OGFOD3: variants seen among roughly 807,000 people sequenced by gnomAD.
The protein encoded by OGFOD3 is 2-oxoglutarate and iron dependent oxygenase domain containing 3.
A neutral mutation model predicts 39.8 loss-of-function variants in OGFOD3; 35 were observed. That is an observed-to-expected ratio of 0.88 (90% CI 0.67 to 1.17). The LOEUF (loss-of-function observed/expected upper bound fraction) is 1.17. Among genes scored for constraint, OGFOD3 ranks in the 50% most tolerant of loss-of-function variants. The pLI, the probability that OGFOD3 is intolerant of heterozygous loss-of-function variation, is 0.00. For missense variants in OGFOD3, 438 were observed against 454.5 expected (o/e 0.96, Z 0.33); for synonymous variants, 200 against 192.0 (o/e 1.04, Z -0.34).
chr17:82,415,655 C>G lies in OGFOD3; in HGVS notation c.75-28G>C, dbSNP rs1463202447. 5 of 1,577,676 alleles carry G rather than the reference C, an allele frequency of 3.2e-6. No individual in the cohort carries two copies. Among genetic ancestry groups the G allele is most frequent in the South Asian group, 1.1e-5 (1 of 88,842 alleles). On this transcript the variant is annotated intron_variant, in intron 1 of 8. Transcript: ENST00000313056. The surrounding 1 kb of genome is among the most constrained non-coding windows in gnomAD (Gnocchi z 5.3). ...GAGAACAGAAAACAGGCCACGTCAC[C>G]CAAACACGGAGTGAGGCCAGAGAAA...
chr17:82,418,347 A>C lies in OGFOD3; in HGVS notation c.74+65T>G. The stretch of plus-strand genomic sequence containing the variant: ...GGCCAGGCCCCGCCCCATCAGCCCC[A>C]GTCCCGCCCACTCCATGGCCCTGTC... On this transcript the variant is annotated intron_variant, in intron 1 of 8. Coordinates refer to ENST00000313056, the MANE Select transcript of OGFOD3 (RefSeq NM_024648.3). 7.4e-6 allele frequency: 5 copies of C among 674,094 alleles called. No homozygotes were observed. The Admixed American group carries it at 1.9e-4, about 25-fold the overall frequency. 41.8% of individuals were successfully genotyped at this position (674,094 alleles called of 1,614,324 possible).
At chr17:82,398,852 C>T (rs1478457614) in intron 7 of OGFOD3, among the ~76,000 whole-genome samples, 2 of 151,230 alleles carry the variant, frequency 1.3e-5, no homozygotes, top group Non-Finnish European at 2.9e-5. Flanking sequence ...GGACCACAGG[C>T]GCACGACACT....
chr17:82,408,912 C>A (rs1012978824), intron 4 of OGFOD3, among the ~76,000 whole-genome samples: 8 of 152,226 alleles, frequency 5.3e-5, no homozygotes, highest in African/African-American at 1.9e-4. Flanking sequence ...GACAGCCCCA[C>A]AGGGCGTCCA....
intron 4 of OGFOD3, 57 bp downstream of exon 4, chr17:82,409,311 A>C: frequency 3.2e-6 from 5 of 1,570,328 alleles, no homozygotes; most frequent in Non-Finnish European, 4.4e-6. Context: ...CTTCCCATCC[A>C]AGTGAGAGCA....
intron 8 of OGFOD3, among the ~76,000 whole-genome samples, chr17:82,395,299 G>C (rs1431883260): frequency 6.6e-6 from 1 of 152,142 alleles, no homozygotes; most frequent in Non-Finnish European, 1.5e-5. Flanking sequence ...TGCAAGTGCT[G>C]GGATTACAGG....
At position 82,398,355 on chromosome 17, in the gene OGFOD3, C is replaced by T. The variant is rs377304273; in HGVS notation, c.700-36G>A. The T allele has an allele frequency of 2.5e-4, 407 of 1,612,954 alleles. 1 individual carries two copies. The highest frequency in any genetic ancestry group is 3.3e-4 in the Middle Eastern group (2 of 6,052). ...AGCCGGGAGGAGGGGGCAGAATGGGCTCTCAGCATGCGACCAGGGCAGGTG... is the reference window on the plus strand; with the variant it reads ...AGCCGGGAGGAGGGGGCAGAATGGGTTCTCAGCATGCGACCAGGGCAGGTG... On this transcript the variant is annotated intron_variant, in intron 7 of 8. Transcript: ENST00000313056.
chr17:82,418,198 C>G (rs1321368290), intron 1 of OGFOD3: 2 of 413,684 alleles, frequency 4.8e-6, no homozygotes, highest in Non-Finnish European at 8.7e-6. Context: ...ATAGGTGGGC[C>G]TCTGCCGTCG....
rs2053133102 is a variant in OGFOD3, at chr17:82,418,568, A to T, written c.-83T>A. On this transcript the variant is annotated 5_prime_UTR_variant, in exon 1 of 9. Transcript: ENST00000313056. ...CCGTAACAGGGAGCGCGAGGCAGGC[A>T]CGGCGCAGGGACGCGAGTGCGACGC... is the stretch of plus-strand genomic sequence containing the variant. 1.1e-5 allele frequency: 8 copies of T among 729,934 alleles called. No individual in the cohort carries two copies. The highest frequency in any genetic ancestry group is 1.5e-5 in the Non-Finnish European group (8 of 525,188). 45.2% of individuals were successfully genotyped at this position (729,934 alleles called of 1,614,324 possible).
At chr17:82,413,249 G>T (rs138388504) in intron 2 of OGFOD3, among the ~76,000 whole-genome samples, 1 of 152,332 alleles carries the variant, frequency 6.6e-6, no homozygotes, top group Non-Finnish European at 1.5e-5. Context: ...TACTAGCAAA[G>T]AGAATCACTA....
intron 4 of OGFOD3, among the ~76,000 whole-genome samples, chr17:82,407,245 A>G (rs1158846397): frequency 6.6e-6 from 1 of 151,134 alleles, no homozygotes; most frequent in East Asian, 2.0e-4. Flanking sequence ...AGCCTGGGCT[A>G]CAAGAGCGAA....
intron 3 of OGFOD3, among the ~76,000 whole-genome samples, chr17:82,410,368 A>C (rs1183442109): frequency 6.6e-6 from 1 of 152,268 alleles, no homozygotes; most frequent in Non-Finnish European, 1.5e-5. Context: ...TATCGTCTCA[A>C]CAAGTGGTTG....
In OGFOD3 at chr17:82,389,530, T is replaced by C. The variant is rs2052577911; in HGVS notation, c.*2868A>G. 1 of 152,148 alleles carries C rather than the reference T, an allele frequency of 6.6e-6. No homozygotes were observed. The allele number at this position is 152,148 out of a possible 1,614,324, so 9.4% of individuals were successfully genotyped here. A position where few individuals can be genotyped will look rare whatever the true frequency, so the allele number is the denominator to read the frequency against. On this transcript the variant is annotated 3_prime_UTR_variant, in exon 9 of 9. Coordinates refer to ENST00000313056, the MANE Select transcript of OGFOD3 (RefSeq NM_024648.3). The surrounding 1 kb of genome is among the most constrained non-coding windows in gnomAD (Gnocchi z 4.6). Reference sequence around the variant, plus strand: ...AATGATAAATTTTTTTTTGAGACAGTATCTTGCTGTCTCCCAGGCTGGAAT... The same window carrying C: ...AATGATAAATTTTTTTTTGAGACAGCATCTTGCTGTCTCCCAGGCTGGAAT...
rs2052611899 is a variant in OGFOD3, at chr17:82,392,547, A to G, written c.824-13T>C. 7 of 1,575,658 alleles carry G rather than the reference A, an allele frequency of 4.4e-6. No homozygotes were observed. The highest frequency in any genetic ancestry group is 5.2e-6 in the Non-Finnish European group (6 of 1,161,132). ...AAGGAGACGCGACCTGGGAGAGGAG[A>G]AGAGAGAGAGGTGGCCATAGAGCCA... On this transcript the variant is annotated splice_polypyrimidine_tract_variant and intron_variant, in intron 8 of 8. Transcript: ENST00000313056. The surrounding 1 kb of genome is among the most constrained non-coding windows in gnomAD (Gnocchi z 4.2).
chr17:82,418,332 C>T, intron 1 of OGFOD3, 80 bp downstream of exon 1: 1 of 502,926 alleles, frequency 2.0e-6, no homozygotes, highest in Non-Finnish European at 3.1e-6. Context: ...GGCCAGGCCC[C>T]GCCCCATCAG....
In OGFOD3 at chr17:82,418,382, A is replaced by T. The variant is rs542040886; in HGVS notation, c.74+30T>A. 304 of 1,411,906 alleles carry T rather than the reference A, an allele frequency of 2.2e-4. 4 individuals carry two copies. The South Asian group carries it at 3.7e-3, about 17-fold the overall frequency. The allele number at this position is 1,411,906 out of a possible 1,614,324, so 87.5% of individuals were successfully genotyped here. ...ACTCCATGGCCCTGTCCGCCGCCGC[A>T]GCGCGCGCCCTTCCCCTCCTCACCG... is the stretch of plus-strand genomic sequence containing the variant. On this transcript the variant is annotated intron_variant, in intron 1 of 8. Transcript: ENST00000313056.
At position 82,389,877 on chromosome 17, in the gene OGFOD3, C is replaced by G. The variant is rs1352114791; in HGVS notation, c.*2521G>C. On this transcript the variant is annotated 3_prime_UTR_variant, in exon 9 of 9. Transcript: ENST00000313056. This position sits in a 1 kb window ranked among gnomAD's most constrained non-coding sequence, Gnocchi z 4.6. Reference sequence around the variant, plus strand: ...TACTAAAAATACAAAAAAAATTAGCCGGGCATGGTGGCGGGCGCCTGTAGT... The same window carrying G: ...TACTAAAAATACAAAAAAAATTAGCGGGGCATGGTGGCGGGCGCCTGTAGT... 1 of 151,988 alleles carries G rather than the reference C, an allele frequency of 6.6e-6. No homozygotes were observed. The highest frequency in any genetic ancestry group is 1.5e-5 in the Non-Finnish European group (1 of 68,020). The allele number at this position is 151,988 out of a possible 1,614,324, so 9.4% of individuals were successfully genotyped here.
intron 4 of OGFOD3, among the ~76,000 whole-genome samples, chr17:82,408,881 C>G (rs2052897718): frequency 6.6e-6 from 1 of 152,234 alleles, no homozygotes; most frequent in Admixed American, 6.5e-5. Context: ...CTAGCTGACC[C>G]CCTGCAGCCT....
chr17:82,413,176 A>G (rs953214802), intron 2 of OGFOD3, among the ~76,000 whole-genome samples: 1 of 152,244 alleles, frequency 6.6e-6, no homozygotes, highest in Admixed American at 6.5e-5. Context: ...GCGAGGACAC[A>G]GGAAAGCGGA....
intron 7 of OGFOD3, among the ~76,000 whole-genome samples, chr17:82,401,915 G>A (rs976873469): frequency 2.0e-5 from 3 of 151,844 alleles, no homozygotes; most frequent in South Asian, 2.1e-4. Context: ...CTGTCACAGC[G>A]GGCATGGTGG....
Sources: gnomAD v4.1 joint callset for allele counts (sites outside exome capture counted in the v4.1 genomes callset) on GRCh38, gnomAD v4.1.1 for gene constraint, Gnocchi (gnomAD v3.1) non-coding constraint, MANE v1.5 for transcripts, NCBI Gene and HGNC (gene_info 2026-07-23, HGNC 2026-07-21) for gene names.